DOCK2: variants seen among roughly 807,000 people sequenced by gnomAD.
DOCK2 encodes the protein dedicator of cytokinesis protein 2.
In DOCK2, 87 loss-of-function variants were observed where a neutral mutation model predicts 248.9. That is an observed-to-expected ratio of 0.35 (90% CI 0.29 to 0.42). The LOEUF (loss-of-function observed/expected upper bound fraction) is 0.42, where lower values mean the gene tolerates loss of function less well. DOCK2 is among the 10% of genes least tolerant of loss of function. The pLI is 1.00. For synonymous variants in DOCK2, 805 were observed against 821.6 expected, an observed-to-expected ratio of 0.98 and a Z score of 0.35; for missense variants, 1,747 against 2,300.2, an observed-to-expected ratio of 0.76 and a Z score of 4.92.
intron 29 of DOCK2, among the ~76,000 whole-genome samples, chr5:169,990,467 C>T (rs759043238): frequency 1.1e-4 from 16 of 151,356 alleles, no homozygotes; most frequent in Non-Finnish European, 2.2e-4. Context: ...TGCAGGATCC[C>T]GATCCCAGAG....
At chr5:169,714,247 T>C (rs766981376) in intron 18 of DOCK2, 36 bp downstream of exon 18, 6 of 1,598,572 alleles carry the variant, frequency 3.8e-6, no homozygotes, top group Non-Finnish European at 5.1e-6. Flanking sequence ...CTGTGGGGAG[T>C]GTGTGTGTCC....
At chr5:169,758,365 G>A (rs111798812) in intron 23 of DOCK2, among the ~76,000 whole-genome samples, 4,628 of 152,312 alleles carry the variant, frequency 0.03, 90 homozygotes, top group Middle Eastern at 0.045. Context: ...CTGGGGAGGA[G>A]AGATTGGGAC....
chr5:170,023,400 A>G (rs1051354685), intron 33 of DOCK2, among the ~76,000 whole-genome samples: 2 of 152,174 alleles, frequency 1.3e-5, no homozygotes, highest in Non-Finnish European at 2.9e-5. Flanking sequence ...ATAATGTGGA[A>G]AAGATTACAT....
At chr5:170,036,631 G>A (rs1756333023) in intron 36 of DOCK2, 76 bp downstream of exon 36, 3 of 1,417,014 alleles carry the variant, frequency 2.1e-6, no homozygotes, top group East Asian at 4.9e-5. Context: ...GCTCCCTGCT[G>A]CCTTCAGGAT....
At position 169,718,649 on chromosome 5, in the gene DOCK2, T is replaced by C. The variant is rs1581089890; in HGVS notation, c.2133-8T>C. On this transcript the variant is annotated splice_region_variant and splice_polypyrimidine_tract_variant and intron_variant, in intron 21 of 51. Transcript: ENST00000520908. Reference sequence around the variant, plus strand: ...AGATGTATTTTGAAAATATTATCCCTTATTCAGGAAATTGATGACAGTGCT... The same window carrying C: ...AGATGTATTTTGAAAATATTATCCCCTATTCAGGAAATTGATGACAGTGCT... The C allele has an allele frequency of 7.5e-6, 12 of 1,610,252 alleles. No homozygotes were observed. The East Asian group carries it at 2.5e-4, about 33-fold the overall frequency.
At chr5:170,043,031 C>G (rs984720592) in intron 38 of DOCK2, among the ~76,000 whole-genome samples, 3 of 152,210 alleles carry the variant, frequency 2.0e-5, no homozygotes, top group African/African-American at 7.2e-5. Context: ...CTTTAAACAG[C>G]AAGGATGCTT....
chr5:169,702,304 G>A lies in DOCK2; in HGVS notation c.1260G>A (p.Gly420=), dbSNP rs1322795060. 6.2e-7 allele frequency: 1 copy of A among 1,613,406 alleles called. No homozygotes were observed. The highest frequency in any genetic ancestry group is 1.3e-5 in the African/African-American group (1 of 74,856). Residue 420 remains glycine, a splice_region_variant and synonymous_variant, in exon 14 of 52, where the codon GGG becomes GGA. Coordinates refer to ENST00000520908, the MANE Select transcript of DOCK2 (RefSeq NM_004946.3). ...KLGFPEIIMP[G]DVRNDIYITL... is the part of the protein sequence containing the mutation. Reference sequence around the variant, plus strand: ...TGTCTCTCTCTCCCTCTGCCTCAGGGGATGTCAGGAACGACATCTACATTA... The same window carrying A: ...TGTCTCTCTCTCCCTCTGCCTCAGGAGATGTCAGGAACGACATCTACATTA...
chr5:170,029,349 A>G, intron 34 of DOCK2, among the ~76,000 whole-genome samples: 1 of 152,076 alleles, frequency 6.6e-6, no homozygotes, highest in East Asian at 1.9e-4. Context: ...TTTTCAGTAC[A>G]CTCACAGGGC....
Position 169,713,600 on chromosome 5 carries a change from A to T in DOCK2, c.1660-428A>T, listed in dbSNP as rs565632906. Among the ~76,000 whole-genome samples, 21 of 152,342 alleles carry T rather than the reference A, an allele frequency of 1.4e-4. No individual in the cohort carries two copies. The South Asian group carries it at 4.4e-3, about 32-fold the overall frequency. ...CAAAATAGTGTATTCAAGATAGCAT[A>T]GACCTGTGAATGGCAAAACAGGGTC... On this transcript the variant is annotated intron_variant, in intron 17 of 51. Transcript: ENST00000520908.
At chr5:169,784,802 G>C (rs1392555114) in intron 25 of DOCK2, among the ~76,000 whole-genome samples, 1 of 152,088 alleles carries the variant, frequency 6.6e-6, no homozygotes, top group Non-Finnish European at 1.5e-5. Flanking sequence ...AGGTAGCAAA[G>C]TTTTCTTTCA....
intron 27 of DOCK2, among the ~76,000 whole-genome samples, chr5:169,925,125 T>G (rs977516288): frequency 6.6e-6 from 1 of 152,214 alleles, no homozygotes; most frequent in African/African-American, 2.4e-5. Flanking sequence ...ATCTGTTCTT[T>G]TTATGGAAGG....
intron 27 of DOCK2, among the ~76,000 whole-genome samples, chr5:169,859,893 G>A (rs528077395): frequency 6.7e-4 from 102 of 151,306 alleles, no homozygotes; most frequent in African/African-American, 2.4e-3. Flanking sequence ...GTGCCCATGT[G>A]CTCTTTTGAA....
At chr5:170,004,206 G>A (rs1406183446) in intron 30 of DOCK2, among the ~76,000 whole-genome samples, 1 of 152,214 alleles carries the variant, frequency 6.6e-6, no homozygotes, top group East Asian at 1.9e-4. Flanking sequence ...TAATCGAAAT[G>A]AGTATATCCA....
chr5:169,710,778 T>G (rs1044884976), intron 15 of DOCK2, among the ~76,000 whole-genome samples: 2 of 152,198 alleles, frequency 1.3e-5, no homozygotes, highest in African/African-American at 2.4e-5. Flanking sequence ...CCCAATGCCT[T>G]CGAATTGATG....
chr5:169,983,305 A>C, intron 28 of DOCK2, 139 bp downstream of exon 28: 1 of 910,582 alleles, frequency 1.1e-6, no homozygotes, highest in Admixed American at 2.3e-5. Context: ...AATCACAGAC[A>C]TTTTGGGGTT....
chr5:169,771,825 T>A (rs1218253869), intron 25 of DOCK2, among the ~76,000 whole-genome samples: 1 of 152,248 alleles, frequency 6.6e-6, no homozygotes, highest in Non-Finnish European at 1.5e-5. Flanking sequence ...TCCTGAAGTC[T>A]AAAAGATGTT....
At chr5:169,910,425 T>C (rs748146150) in intron 27 of DOCK2, among the ~76,000 whole-genome samples, 3 of 152,190 alleles carry the variant, frequency 2.0e-5, no homozygotes, top group Non-Finnish European at 4.4e-5. Context: ...GATTTATTGC[T>C]TACTCTCTTA....
At chr5:170,045,551 G>T (rs1756676937) in intron 38 of DOCK2, among the ~76,000 whole-genome samples, 1 of 152,176 alleles carries the variant, frequency 6.6e-6, no homozygotes, top group Non-Finnish European at 1.5e-5. Flanking sequence ...TCTCAGAGTG[G>T]TTGTGAAGAA....
At position 170,083,258 on chromosome 5, in the gene DOCK2, T is replaced by C. The variant is rs1379792245; in HGVS notation, c.*400T>C. 1 of 162,580 alleles carries C rather than the reference T, an allele frequency of 6.2e-6. No individual in the cohort carries two copies. The highest frequency in any genetic ancestry group is 1.9e-4 in the South Asian group (1 of 5,202). 10.1% of individuals were successfully genotyped at this position (162,580 alleles called of 1,614,324 possible). A position where few individuals can be genotyped will look rare whatever the true frequency, so the allele number is the denominator to read the frequency against. On this transcript the variant is annotated 3_prime_UTR_variant, in exon 52 of 52. Coordinates refer to ENST00000520908, the MANE Select transcript of DOCK2 (RefSeq NM_004946.3). ...TTTTAAATATTCTTTTTAATTTTAT[T>C]TTAGATTAACAGTTTTGTACTTTAC...
Sources: gnomAD v4.1 joint callset for allele counts (sites outside exome capture counted in the v4.1 genomes callset) on GRCh38, gnomAD v4.1.1 for gene constraint, MANE v1.5 for transcripts, NCBI Gene and HGNC (gene_info 2026-07-23, HGNC 2026-07-21) for gene names.